The following DLGAP1 variants were observed in gnomAD, a reference collection of about 807,000 sequenced individuals.
The protein encoded by DLGAP1 is DLG associated protein 1, also known as disks large-associated protein 1.
Under a neutral mutation model 90.8 loss-of-function variants are expected in DLGAP1, and 11 were observed. That is an observed-to-expected ratio of 0.12 (90% CI 0.08 to 0.20). The LOEUF (loss-of-function observed/expected upper bound fraction) is 0.20. Ranked by LOEUF, DLGAP1 falls within the 10% of genes least tolerant of loss-of-function variation. DLGAP1 has a pLI of 1.00. For synonymous variants in DLGAP1, 558 were observed against 540.7 expected, an observed-to-expected ratio of 1.03 and a Z score of -0.44; for missense variants, 1,050 against 1,333.8, an observed-to-expected ratio of 0.79 and a Z score of 3.31.
At chr18:3,784,378 T>C (rs1006784717) in intron 5 of DLGAP1, among the ~76,000 whole-genome samples, 2 of 152,204 alleles carry the variant, frequency 1.3e-5, no homozygotes, top group Admixed American at 1.3e-4. Context: ...CCTAGCCTTC[T>C]TTTCTATCAA....
intron 7 of DLGAP1, among the ~76,000 whole-genome samples, chr18:3,716,429 A>G (rs1016024950): frequency 5.9e-5 from 9 of 152,094 alleles, no homozygotes; most frequent in Non-Finnish European, 1.0e-4. Flanking sequence ...CTAGCTACTC[A>G]GGGGGCTGAA....
chr18:3,928,608 C>T (rs1359443012), intron 3 of DLGAP1, among the ~76,000 whole-genome samples: 2 of 152,112 alleles, frequency 1.3e-5, no homozygotes, highest in African/African-American at 2.4e-5. Context: ...ATCTTGACAA[C>T]ACCTTAAAGT....
intron 1 of DLGAP1, among the ~76,000 whole-genome samples, chr18:4,316,021 T>C (rs186903428): frequency 3.4e-4 from 52 of 152,304 alleles, no homozygotes; most frequent in Admixed American, 1.5e-3. Context: ...ACATAAGGTA[T>C]AAACACAAAC....
chr18:4,242,269 A>T (rs1446619130), intron 1 of DLGAP1, among the ~76,000 whole-genome samples: 1 of 152,108 alleles, frequency 6.6e-6, no homozygotes, highest in African/African-American at 2.4e-5. Flanking sequence ...CGAACCTATC[A>T]AGATTCATCT....
chr18:4,264,225 G>A (rs1337723879), intron 1 of DLGAP1, among the ~76,000 whole-genome samples: 1 of 152,140 alleles, frequency 6.6e-6, no homozygotes, highest in African/African-American at 2.4e-5. Flanking sequence ...GAGAAGATGT[G>A]GAAAGTGCAT....
intron 3 of DLGAP1, among the ~76,000 whole-genome samples, chr18:3,889,419 A>G (rs539736800): frequency 4.8e-5 from 7 of 147,276 alleles, no homozygotes; most frequent in South Asian, 4.3e-4. Flanking sequence ...ACATACATGC[A>G]TATATATATA....
chr18:3,799,307 G>A (rs184513921), intron 5 of DLGAP1, among the ~76,000 whole-genome samples: 1 of 152,136 alleles, frequency 6.6e-6, no homozygotes, highest in Non-Finnish European at 1.5e-5. Context: ...AAGTCAGCAG[G>A]ACTGGGACCC....
At chr18:4,425,446 G>A (rs1272307494) in intron 1 of DLGAP1, among the ~76,000 whole-genome samples, 1 of 152,186 alleles carries the variant, frequency 6.6e-6, no homozygotes, top group Non-Finnish European at 1.5e-5. Context: ...GTACAGTCAT[G>A]ATGACAGGAC....
chr18:3,542,994 T>G (rs909679892), intron 9 of DLGAP1, among the ~76,000 whole-genome samples: 1 of 152,202 alleles, frequency 6.6e-6, no homozygotes, highest in Non-Finnish European at 1.5e-5. Flanking sequence ...TATCTATATG[T>G]AACACAACCC....
chr18:4,424,759 T>A (rs956776813), intron 1 of DLGAP1, among the ~76,000 whole-genome samples: 1 of 147,154 alleles, frequency 6.8e-6, no homozygotes, highest in Non-Finnish European at 1.5e-5. Context: ...TTAGTCATGA[T>A]TTTTTTCTTT....
chr18:3,569,040 TC>T lies in DLGAP1; in HGVS notation c.1966-1460del, dbSNP rs1392609509. ...ATTTTTGAGACAGAGTCTCACTCTG[TC>T]CCCCAGGCTAGAGTGCAGTGGCGCA... On this transcript the variant is annotated intron_variant, in intron 8 of 12. Transcript: ENST00000315677. 2.0e-5 allele frequency among the ~76,000 whole-genome samples: 3 copies of T among 151,542 alleles called. 1 individual carries two copies. The East Asian group carries it at 5.9e-4, about 30-fold the overall frequency.
intron 4 of DLGAP1, among the ~76,000 whole-genome samples, chr18:3,823,530 C>T (rs2067537406): frequency 6.6e-6 from 1 of 152,200 alleles, no homozygotes; most frequent in African/African-American, 2.4e-5. Flanking sequence ...GTTTGTCTTA[C>T]TCAAATTTCT....
chr18:3,657,760 A>G (rs894257455), intron 7 of DLGAP1, among the ~76,000 whole-genome samples: 6 of 151,910 alleles, frequency 3.9e-5, no homozygotes, highest in South Asian at 4.2e-4. Flanking sequence ...CCGCCACCGC[A>G]CCCGGCTAAT....
At chr18:4,253,412 T>A (rs919439106) in intron 1 of DLGAP1, among the ~76,000 whole-genome samples, 2 of 152,212 alleles carry the variant, frequency 1.3e-5, no homozygotes, top group African/African-American at 4.8e-5. Context: ...TTATTTTATT[T>A]ATTTTATATA....
intron 1 of DLGAP1, among the ~76,000 whole-genome samples, chr18:4,151,698 G>C (rs1402456099): frequency 2.0e-5 from 3 of 152,260 alleles, no homozygotes; most frequent in African/African-American, 7.2e-5. Context: ...ACTTTAAAAA[G>C]GGCTAAAATG....
At chr18:4,240,770 T>A (rs2078517412) in intron 1 of DLGAP1, among the ~76,000 whole-genome samples, 1 of 152,218 alleles carries the variant, frequency 6.6e-6, no homozygotes, top group South Asian at 2.1e-4. Flanking sequence ...AAGTATTTTG[T>A]TACAAATTGG....
chr18:4,065,379 A>T (rs1027501874), intron 2 of DLGAP1, among the ~76,000 whole-genome samples: 1 of 152,116 alleles, frequency 6.6e-6, no homozygotes, highest in Non-Finnish European at 1.5e-5. Flanking sequence ...AAGAAGTCAA[A>T]CTATCCCTGC....
intron 9 of DLGAP1, among the ~76,000 whole-genome samples, chr18:3,559,482 T>C (rs528688111): frequency 2.0e-5 from 3 of 152,336 alleles, no homozygotes; most frequent in Admixed American, 2.0e-4. Context: ...TTTCTGCTTT[T>C]AATAGTTTTC....
At chr18:3,791,273 T>C (rs1428946816) in intron 5 of DLGAP1, among the ~76,000 whole-genome samples, 1 of 152,236 alleles carries the variant, frequency 6.6e-6, no homozygotes, top group Non-Finnish European at 1.5e-5. Flanking sequence ...TAATTACTAA[T>C]CAAAATTGGC....
Sources: gnomAD v4.1 joint callset for allele counts (sites outside exome capture counted in the v4.1 genomes callset) on GRCh38, gnomAD v4.1.1 for gene constraint, MANE v1.5 for transcripts, NCBI Gene and HGNC (gene_info 2026-07-23, HGNC 2026-07-21) for gene names.